Variants in ROR2 observed in about 807,000 individuals in gnomAD.
ROR2 encodes ROR family WNT receptor 2, also known as tyrosine-protein kinase transmembrane receptor ROR2.
In ROR2, 33 loss-of-function variants were observed where a neutral mutation model predicts 74.9. That is an observed-to-expected ratio of 0.44 (90% CI 0.33 to 0.59). The LOEUF is 0.59. Among genes scored for constraint, ROR2 ranks in the 20% least tolerant of loss-of-function variants. ROR2 has a pLI of 0.02. For synonymous variants in ROR2, 586 were observed against 558.7 expected, an observed-to-expected ratio of 1.05 and a Z score of -0.69; for missense variants, 1,216 against 1,313.8, an observed-to-expected ratio of 0.93 and a Z score of 1.15.
At chr9:91,764,840 A>C (rs1185738128) in intron 2 of ROR2, among the ~76,000 whole-genome samples, 1 of 152,148 alleles carries the variant, frequency 6.6e-6, no homozygotes, top group Admixed American at 6.5e-5. Flanking sequence ...CACGTGAATG[A>C]TAGTTTCGTT....
At chr9:91,734,550 G>A (rs1824958252) in intron 5 of ROR2, among the ~76,000 whole-genome samples, 1 of 152,150 alleles carries the variant, frequency 6.6e-6, no homozygotes, top group Non-Finnish European at 1.5e-5. Context: ...GCTGTGCCAG[G>A]TTTGGCCAGC....
chr9:91,949,851 G>A lies in ROR2; in HGVS notation c.97+16C>T. ...TGAGCTACCGTCTGCGCACAAGCCG[G>A]AACGCCAGATCCTACCTGAAGTCCG... On this transcript the variant is annotated intron_variant, in intron 1 of 8. Coordinates refer to ENST00000375708, the MANE Select transcript of ROR2 (RefSeq NM_004560.4). 6.7e-7 allele frequency: 1 copy of A among 1,497,892 alleles called. No individual in the cohort carries two copies. The highest frequency in any genetic ancestry group is 1.8e-4 in the Middle Eastern group (1 of 5,594). 92.8% of individuals were successfully genotyped at this position (1,497,892 alleles called of 1,614,324 possible). A position where few individuals can be genotyped will look rare whatever the true frequency, so the allele number is the denominator to read the frequency against.
At chr9:91,812,414 G>A (rs546102627) in intron 1 of ROR2, among the ~76,000 whole-genome samples, 19 of 152,232 alleles carry the variant, frequency 1.2e-4, no homozygotes, top group Admixed American at 3.3e-4. Flanking sequence ...CATGTGGGGA[G>A]GGGGGATGTC....
chr9:91,839,273 T>TGTAAGTACAGGC (rs1828709068), intron 1 of ROR2, among the ~76,000 whole-genome samples: 1 of 130,678 alleles, frequency 7.7e-6, no homozygotes, highest in African/African-American at 3.5e-5. Flanking sequence ...TGTGTGTGTG[T>TGTAAGTACAGGC]GTGTGTGTGT....
At chr9:91,867,586 G>A (rs1001767525) in intron 1 of ROR2, among the ~76,000 whole-genome samples, 4 of 151,860 alleles carry the variant, frequency 2.6e-5, no homozygotes, top group African/African-American at 9.7e-5. Flanking sequence ...CCAGGGAGAT[G>A]ATGGAGAAGG....
chr9:91,833,300 GCACTT>G (rs1828522185), intron 1 of ROR2, among the ~76,000 whole-genome samples: 1 of 152,156 alleles, frequency 6.6e-6, no homozygotes. Context: ...GTCCTGCTCT[GCACTT>G]CTGCAACAGG....
chr9:91,776,125 A>G (rs1186827272), intron 1 of ROR2, among the ~76,000 whole-genome samples: 2 of 152,164 alleles, frequency 1.3e-5, no homozygotes, highest in Non-Finnish European at 2.9e-5. Context: ...CGGGAAGGAG[A>G]GGGAGAGAAA....
rs112334520 is a variant in ROR2, at chr9:91,726,516, G to A, written c.1386+25C>T. Reference sequence around the variant, plus strand: ...GGATTAAACCTGGAAGAGCCACCCGGGTAGAAAATGTAAGGCATGGAGACC... The same window carrying A: ...GGATTAAACCTGGAAGAGCCACCCGAGTAGAAAATGTAAGGCATGGAGACC... On this transcript the variant is annotated intron_variant, in intron 8 of 8. Transcript: ENST00000375708. The A allele has an allele frequency of 1.1e-3, 1,774 of 1,607,104 alleles. 19 individuals carry two copies. The African/African-American group carries it at 0.021, about 19-fold the overall frequency.
chr9:91,726,128 A>G (rs893484574), intron 8 of ROR2, among the ~76,000 whole-genome samples: 1 of 152,192 alleles, frequency 6.6e-6, no homozygotes, highest in African/African-American at 2.4e-5. Flanking sequence ...TTTAAGAGCT[A>G]TTCTCCTATC....
chr9:91,867,823 G>A (rs1313607198), intron 1 of ROR2, among the ~76,000 whole-genome samples: 2 of 152,112 alleles, frequency 1.3e-5, no homozygotes, highest in East Asian at 3.9e-4. Flanking sequence ...GGCTTTGAAA[G>A]TAGAACCGGC....
chr9:91,801,195 C>T (rs7872492), intron 1 of ROR2, among the ~76,000 whole-genome samples: 15,174 of 152,206 alleles, frequency 0.1, 1,271 homozygotes, highest in East Asian at 0.3. Flanking sequence ...CTCTGTCTTG[C>T]CATGTTTCCA....
rs369605576 is a variant in ROR2 at position 91,865,099 on chromosome 9, G to GT, written c.97+84767dup. Among the ~76,000 whole-genome samples the GT allele has an allele frequency of 7.2e-3, 1,067 of 149,218 alleles. 5 individuals are homozygous for GT. The highest frequency in any genetic ancestry group is 0.031 in the Middle Eastern group (9 of 290). On this transcript the variant is annotated intron_variant, in intron 1 of 8. Transcript: ENST00000375708. Reference sequence around the variant, plus strand: ...CTCAATGTGAAAGCTAAGGCTAAAAGTTTTTTTTTTGCAGTATACTTTTCA... The same window carrying GT: ...CTCAATGTGAAAGCTAAGGCTAAAAGTTTTTTTTTTTGCAGTATACTTTTCA...
chr9:91,875,388 G>A (rs1313321514), intron 1 of ROR2, among the ~76,000 whole-genome samples: 5 of 152,208 alleles, frequency 3.3e-5, no homozygotes, highest in African/African-American at 1.2e-4. Flanking sequence ...GAATGTCCCA[G>A]TGCCCTAAAG....
chr9:91,945,997 ACT>A (rs1274085522), intron 1 of ROR2, among the ~76,000 whole-genome samples: 10 of 152,170 alleles, frequency 6.6e-5, no homozygotes, highest in Middle Eastern at 6.8e-3. Context: ...TACTTTCAAA[ACT>A]CAAGAAGCCC....
chr9:91,949,021 C>T, intron 1 of ROR2: 1 of 786,426 alleles, frequency 1.3e-6, no homozygotes, highest in Non-Finnish European at 1.5e-6. Context: ...GCAGCCGAAA[C>T]CGCGCAGGGA....
chr9:91,855,089 A>T (rs1002772876), intron 1 of ROR2, among the ~76,000 whole-genome samples: 1 of 152,272 alleles, frequency 6.6e-6, no homozygotes. Context: ...AATTTAACTT[A>T]ATTACTCTTA....
chr9:91,895,185 T>C lies in ROR2; in HGVS notation c.97+54682A>G, dbSNP rs138052098. Among the ~76,000 whole-genome samples, 10 of 152,330 alleles carry C rather than the reference T, an allele frequency of 6.6e-5. No homozygotes were observed. The East Asian group carries it at 1.9e-3, about 29-fold the overall frequency. On this transcript the variant is annotated intron_variant, in intron 1 of 8. Coordinates refer to ENST00000375708, the MANE Select transcript of ROR2 (RefSeq NM_004560.4). ...CAATCTGAAAGAACTACATACTATATGATTCCAACTATAAGACATCTAGAA... is the reference window on the plus strand; with the variant it reads ...CAATCTGAAAGAACTACATACTATACGATTCCAACTATAAGACATCTAGAA...
At position 91,724,281 on chromosome 9, in the gene ROR2, C is replaced by T. The variant is rs762353305; in HGVS notation, c.2213G>A (p.Arg738His). Residue 738 changes from arginine (R) to histidine (H), a missense_variant, in exon 9 of 9, where the codon CGC (arginine) becomes CAC (histidine). Physicochemically the swap from Arg to His is conservative, Grantham distance 29. Transcript: ENST00000375708. ...GAGCCGGCTGTGGATGTCCTTGAAG[C>T]GGGGCCGCCGGCTGGGGAACTCGTT... is the stretch of plus-strand genomic sequence containing the variant. ...CWNEFPSRRP[R>H]FKDIHSRLRA... The T allele has an allele frequency of 1.4e-5, 23 of 1,613,058 alleles. No individual in the cohort carries two copies. The highest frequency in any genetic ancestry group is 5.0e-5 in the Admixed American group (3 of 60,002).
At chr9:91,908,016 T>C (rs1201137123) in intron 1 of ROR2, among the ~76,000 whole-genome samples, 1 of 152,204 alleles carries the variant, frequency 6.6e-6, no homozygotes, top group East Asian at 1.9e-4. Flanking sequence ...CTAATTGTTG[T>C]GGGAAAGAAC....
Sources: gnomAD v4.1 joint callset for allele counts (sites outside exome capture counted in the v4.1 genomes callset) on GRCh38, gnomAD v4.1.1 for gene constraint, MANE v1.5 for transcripts, NCBI Gene and HGNC (gene_info 2026-07-23, HGNC 2026-07-21) for gene names.